DNAH14: variants seen among roughly 807,000 people sequenced by gnomAD.
DNAH14 encodes axonemal beta dynein heavy chain 14.
Under a neutral mutation model 520.9 loss-of-function variants are expected in DNAH14, and 478 were observed. That is an observed-to-expected ratio of 0.92 (90% CI 0.85 to 0.99). DNAH14 has a LOEUF of 0.99. Ranked by LOEUF, DNAH14 falls within the 50% of genes least tolerant of loss-of-function variation. DNAH14 has a pLI of 0.00. For missense variants in DNAH14, 4,831 were observed against 5,234.5 expected (o/e 0.92, Z 2.38); for synonymous variants, 1,581 against 1,757.2 (o/e 0.90, Z 2.51).
At chr1:225,378,916 C>G (rs11582134) in intron 79 of DNAH14, among the ~76,000 whole-genome samples, 38,448 of 150,998 alleles carry the variant, frequency 0.25, 5,574 homozygotes, top group Admixed American at 0.38. Flanking sequence ...AAAATCAGTC[C>G]CGGCTAGTAA....
At chr1:224,947,435 CAA>C (rs1456430894) in intron 1 of DNAH14, among the ~76,000 whole-genome samples, 1 of 151,882 alleles carries the variant, frequency 6.6e-6, no homozygotes, top group Non-Finnish European at 1.5e-5. Flanking sequence ...GTCAAACAAA[CAA>C]AAAAACTGTT....
chr1:225,168,523 G>A (rs2082267973), intron 36 of DNAH14, among the ~76,000 whole-genome samples: 1 of 152,170 alleles, frequency 6.6e-6, no homozygotes, highest in African/African-American at 2.4e-5. Context: ...TGGCTTGGAG[G>A]GTCCTATACC....
intron 11 of DNAH14, among the ~76,000 whole-genome samples, chr1:225,027,875 T>TC (rs1318879610): frequency 6.6e-6 from 1 of 151,714 alleles, no homozygotes; most frequent in Non-Finnish European, 1.5e-5. Flanking sequence ...TGCTTTTTTT[T>TC]TTCTGTCTGT....
intron 8 of DNAH14, among the ~76,000 whole-genome samples, chr1:224,987,311 G>T (rs76297000): frequency 6.6e-6 from 1 of 152,176 alleles, no homozygotes; most frequent in African/African-American, 2.4e-5. Flanking sequence ...GAAAGCCAGT[G>T]TCTCAGCTTG....
chr1:225,175,915 C>G (rs2083282339), intron 36 of DNAH14, among the ~76,000 whole-genome samples: 3 of 151,706 alleles, frequency 2.0e-5, no homozygotes, highest in Admixed American at 2.0e-4. Context: ...CCCACCATGC[C>G]CGGCTAATTT....
chr1:225,387,586 A>T (rs2095856786), intron 81 of DNAH14, among the ~76,000 whole-genome samples: 1 of 152,078 alleles, frequency 6.6e-6, no homozygotes, highest in African/African-American at 2.4e-5. Flanking sequence ...AATGAATGAG[A>T]CCTAAAAACA....
intron 1 of DNAH14, among the ~76,000 whole-genome samples, chr1:224,946,440 C>T (rs1173139644): frequency 6.6e-6 from 1 of 152,134 alleles, no homozygotes; most frequent in Admixed American, 6.5e-5. Context: ...CTTGAGCTTC[C>T]CTTGCTTCGG....
chr1:225,344,521 C>T (rs1043290261), intron 69 of DNAH14, among the ~76,000 whole-genome samples: 19 of 152,054 alleles, frequency 1.2e-4, no homozygotes, highest in African/African-American at 4.6e-4. Context: ...AGGATAATGG[C>T]CTCCAGCTCA....
intron 76 of DNAH14, among the ~76,000 whole-genome samples, chr1:225,366,756 T>C (rs1395042923): frequency 6.6e-6 from 1 of 152,084 alleles, no homozygotes; most frequent in Non-Finnish European, 1.5e-5. Context: ...TGATAAAACT[T>C]AGAGCCATTT....
At chr1:225,203,876 GT>G (rs2087188817) in intron 38 of DNAH14, among the ~76,000 whole-genome samples, 1 of 152,144 alleles carries the variant, frequency 6.6e-6, no homozygotes, top group Non-Finnish European at 1.5e-5. Flanking sequence ...TTGTCTGTGG[GT>G]AATGGAAATT....
Position 225,318,725 on chromosome 1 carries a change from A to G in DNAH14, c.9335+48A>G, listed in dbSNP as rs12403278. The G allele has an allele frequency of 0.052, 77,981 of 1,491,592 alleles. 3,204 individuals are homozygous for G. The highest frequency in any genetic ancestry group is 0.21 in the African/African-American group (14,899 of 70,922). 92.4% of individuals were successfully genotyped at this position (1,491,592 alleles called of 1,614,324 possible). A position where few individuals can be genotyped will look rare whatever the true frequency, so the allele number is the denominator to read the frequency against. On this transcript the variant is annotated intron_variant, in intron 61 of 85. Transcript: ENST00000682510. ...GAGTTGGAAAAGCTCAGAAAAAAAC[A>G]TAAATTCATGTTTACTAAGCCTATA...
chr1:225,139,599 G>C (rs916769217), intron 27 of DNAH14, among the ~76,000 whole-genome samples: 8 of 152,012 alleles, frequency 5.3e-5, no homozygotes, highest in African/African-American at 1.9e-4. Flanking sequence ...ATTTGAACAT[G>C]GAATTAATAA....
intron 36 of DNAH14, among the ~76,000 whole-genome samples, chr1:225,183,526 A>G (rs553551514): frequency 6.6e-6 from 1 of 152,326 alleles, no homozygotes; most frequent in African/African-American, 2.4e-5. Flanking sequence ...GAACAAACTA[A>G]TCCCAAAGCT....
chr1:225,162,831 T>C (rs1013642502), intron 35 of DNAH14, among the ~76,000 whole-genome samples: 2 of 152,114 alleles, frequency 1.3e-5, no homozygotes, highest in African/African-American at 4.8e-5. Flanking sequence ...CGTTCTCTGT[T>C]GGCATATAGA....
chr1:225,397,288 A>G (rs1194035140), intron 84 of DNAH14: 1 of 152,360 alleles, frequency 6.6e-6, no homozygotes, highest in Non-Finnish European at 1.5e-5. Flanking sequence ...AAATTCTTTT[A>G]TAGAATAAGC....
At chr1:224,932,832 G>T (rs1037446818) in intron 1 of DNAH14, among the ~76,000 whole-genome samples, 15 of 152,088 alleles carry the variant, frequency 9.9e-5, no homozygotes, top group Non-Finnish European at 2.1e-4. Flanking sequence ...GGTTATTATA[G>T]CTTTGTAGTA....
At chr1:225,338,028 AT>A (rs2095097085) in intron 67 of DNAH14, 32 bp from the exon 68 acceptor site, 2 of 1,489,252 alleles carry the variant, frequency 1.3e-6, no homozygotes, top group Non-Finnish European at 1.8e-6. Flanking sequence ...TTTTAAGATG[AT>A]TTTTCTTATT....
intron 19 of DNAH14, among the ~76,000 whole-genome samples, chr1:225,081,654 C>G (rs915243165): frequency 6.6e-6 from 1 of 152,118 alleles, no homozygotes; most frequent in Non-Finnish European, 1.5e-5. Flanking sequence ...TTTAATATGG[C>G]TTTATAAAAG....
chr1:225,236,177 C>T (rs184715783), intron 42 of DNAH14, among the ~76,000 whole-genome samples: 4 of 152,232 alleles, frequency 2.6e-5, no homozygotes, highest in South Asian at 4.2e-4. Flanking sequence ...CTATAAACAT[C>T]CCTCTTACCA....
Sources: gnomAD v4.1 joint callset for allele counts (sites outside exome capture counted in the v4.1 genomes callset) on GRCh38, gnomAD v4.1.1 for gene constraint, MANE v1.5 for transcripts, NCBI Gene and HGNC (gene_info 2026-07-23, HGNC 2026-07-21) for gene names.